Variants in ARSG observed in about 807,000 individuals in gnomAD.
ARSG encodes ASG.
In ARSG, 37 loss-of-function variants were observed where a neutral mutation model predicts 50.5. The ratio of observed to expected loss-of-function variants is 0.73; its 90% CI spans 0.56 to 0.96. ARSG has a LOEUF of 0.96. Among genes scored for constraint, ARSG ranks in the 50% least tolerant of loss-of-function variants. The pLI, the probability that ARSG is intolerant of heterozygous loss-of-function variation, is 0.00. For missense variants in ARSG, 629 were observed against 675.3 expected (o/e 0.93, Z 0.76); for synonymous variants, 225 against 254.6 (o/e 0.88, Z 1.11).
chr17:68,420,548 C>CA lies in ARSG; in HGVS notation c.*86dup, dbSNP rs1341866775. 2.8e-6 allele frequency: 4 copies of CA among 1,449,872 alleles called. No homozygotes were observed. In the East Asian group the frequency reaches 9.1e-5, roughly 33 times the overall value. 89.8% of individuals were successfully genotyped at this position (1,449,872 alleles called of 1,614,324 possible). On this transcript the variant is annotated 3_prime_UTR_variant, in exon 12 of 12. Coordinates refer to ENST00000621439, the MANE Select transcript of ARSG (RefSeq NM_001267727.2). ...ATTTCATTTTTACCCTCTTTACAAA[C>CA]ACACGCTTTAGTTTAGTCTTGGAGT...
intron 1 of ARSG, among the ~76,000 whole-genome samples, chr17:68,277,197 T>A (rs1555751226): frequency 1.3e-5 from 2 of 152,068 alleles, no homozygotes; most frequent in South Asian, 4.1e-4. Context: ...AATGGCATGA[T>A]CTGGGCTTAC....
chr17:68,382,897 A>G (rs1391682187), intron 8 of ARSG, among the ~76,000 whole-genome samples: 1 of 152,184 alleles, frequency 6.6e-6, no homozygotes, highest in Non-Finnish European at 1.5e-5. Context: ...TGTAGCCTGC[A>G]CTAACCAACT....
intron 10 of ARSG, among the ~76,000 whole-genome samples, chr17:68,398,145 GTATGCA>G (rs1405521275): frequency 1.3e-5 from 2 of 152,188 alleles, no homozygotes; most frequent in Non-Finnish European, 2.9e-5. Flanking sequence ...GCATACATAT[GTATGCA>G]TATGCATGCT....
the ARSG span, chr17:68,428,982 C>A: frequency 6.9e-7 from 1 of 1,449,630 alleles, no homozygotes. Context: ...CGAAGATGGG[C>A]GATGGATTCG....
the ARSG span, among the ~76,000 whole-genome samples, chr17:68,443,344 C>G: frequency 2.0e-5 from 3 of 152,154 alleles, no homozygotes; most frequent in Admixed American, 2.0e-4. Flanking sequence ...AACTCCTAAC[C>G]TCAGGTGATC....
the ARSG span, among the ~76,000 whole-genome samples, chr17:68,437,987 A>G: frequency 6.8e-6 from 1 of 146,456 alleles, no homozygotes; most frequent in Non-Finnish European, 1.5e-5. Context: ...ACTGGCGTCT[A>G]TTACAAGTTA....
chr17:68,430,649 A>C, the ARSG span, among the ~76,000 whole-genome samples: 1 of 152,186 alleles, frequency 6.6e-6, no homozygotes, highest in South Asian at 2.1e-4. Context: ...ATAACCCTGG[A>C]GTCACCCAGG....
In ARSG at chr17:68,307,246, A is replaced by G; in HGVS notation, c.-248A>G. 1.9e-6 allele frequency: 1 copy of G among 516,386 alleles called. No individual in the cohort carries two copies. Among genetic ancestry groups the G allele is most frequent in the Non-Finnish European group, 3.4e-6 (1 of 291,640 alleles). The allele number at this position is 516,386 out of a possible 1,614,324, so 32.0% of individuals were successfully genotyped here. On this transcript the variant is annotated 5_prime_UTR_variant, in exon 2 of 12. An upstream start codon of the reference 5' UTR is lost. Coordinates refer to ENST00000621439, the MANE Select transcript of ARSG (RefSeq NM_001267727.2). Reference sequence around the variant, plus strand: ...CACTGACCATAGAAGATCAAGCCAAATGAGGGATTGCAAATTTCCTGATTC... The same window carrying G: ...CACTGACCATAGAAGATCAAGCCAAGTGAGGGATTGCAAATTTCCTGATTC...
chr17:68,431,543 G>T, the ARSG span, among the ~76,000 whole-genome samples: 1 of 152,180 alleles, frequency 6.6e-6, no homozygotes, highest in East Asian at 1.9e-4. Context: ...GGTGTCTGAG[G>T]AGGAGGTGTC....
At chr17:68,379,854 GT>G (rs2080344601) in intron 8 of ARSG, 1 of 985,228 alleles carries the variant, frequency 1.0e-6, no homozygotes, top group African/African-American at 1.7e-5. Context: ...AGGTAATTTG[GT>G]TGGCACTTCT....
chr17:68,291,337 T>TGCGTGCTGCCGCCCGCGCCCCGGCCCC, upstream of ARSG: 1 of 135,426 alleles, frequency 7.4e-6, no homozygotes, highest in Non-Finnish European at 1.6e-5. Flanking sequence ...ACCCGGGCCG[T>TGCGTGCTGCCGCCCGCGCCCCGGCCCC]GCGTGCTGCC....
At chr17:68,261,609 G>C (rs746372619) in intron 1 of ARSG, among the ~76,000 whole-genome samples, 1 of 152,054 alleles carries the variant, frequency 6.6e-6, no homozygotes, top group African/African-American at 2.4e-5. Context: ...AAACTCCCAG[G>C]CTCAAGCAAT....
the ARSG span, among the ~76,000 whole-genome samples, chr17:68,443,825 C>T: frequency 2.6e-5 from 4 of 152,174 alleles, no homozygotes; most frequent in Admixed American, 6.5e-5. Flanking sequence ...ACAAGTTGTT[C>T]CAGTGTGCTG....
chr17:68,321,708 A>G (rs2077290590), intron 2 of ARSG, among the ~76,000 whole-genome samples: 1 of 152,146 alleles, frequency 6.6e-6, no homozygotes, highest in Non-Finnish European at 1.5e-5. Flanking sequence ...AATTTATGCA[A>G]TGGCAAGTTG....
intron 1 of ARSG, among the ~76,000 whole-genome samples, chr17:68,295,957 G>A (rs2076191916): frequency 6.6e-6 from 1 of 151,976 alleles, no homozygotes; most frequent in South Asian, 2.1e-4. Flanking sequence ...TGGGATTATA[G>A]GCATGAGCCA....
At chr17:68,365,097 G>A (rs961929654) in intron 6 of ARSG, among the ~76,000 whole-genome samples, 2 of 152,224 alleles carry the variant, frequency 1.3e-5, no homozygotes, top group South Asian at 4.1e-4. Context: ...ATCACTTGAA[G>A]TCAGGAGTTC....
chr17:68,292,418 A>G (rs1194891012), intron 1 of ARSG, among the ~76,000 whole-genome samples: 5 of 152,234 alleles, frequency 3.3e-5, no homozygotes, highest in African/African-American at 1.2e-4. Context: ...TCATGGGGAC[A>G]AAGCATGTGT....
At position 68,404,407 on chromosome 17, in the gene ARSG, G is replaced by T. The variant is rs187185934; in HGVS notation, c.1303+2957G>T. 5.1e-4 allele frequency among the ~76,000 whole-genome samples: 78 copies of T among 152,320 alleles called. 9 individuals are homozygous for T. The East Asian group carries it at 6.4e-3, about 12-fold the overall frequency. The stretch of plus-strand genomic sequence containing the variant: ...GCCCAGATCTATAATGTATAATTTG[G>T]TGAGGTTTTATAAATGTAGATACCG... On this transcript the variant is annotated intron_variant, in intron 11 of 11. Coordinates refer to ENST00000621439, the MANE Select transcript of ARSG (RefSeq NM_001267727.2).
chr17:68,390,895 G>A (rs2147095483), intron 9 of ARSG, among the ~76,000 whole-genome samples: 1 of 150,076 alleles, frequency 6.7e-6, no homozygotes, highest in South Asian at 2.1e-4. Flanking sequence ...CCAAAGTGCT[G>A]AGATTACAAC....
Sources: allele counts gnomAD v4.1 joint callset (sites outside exome capture counted in the v4.1 genomes callset), GRCh38; gene constraint gnomAD v4.1.1; transcripts MANE v1.5; gene names NCBI Gene and HGNC (gene_info 2026-07-23, HGNC 2026-07-21).